The following GMDS variants were observed in gnomAD, a reference collection of about 807,000 sequenced individuals.
The protein encoded by GMDS is GDP-mannose 4,6-dehydratase.
GMDS carries 20 observed loss-of-function variants against 49.9 expected under a neutral mutation model. The ratio of observed to expected loss-of-function variants is 0.40; its 90% confidence interval spans 0.28 to 0.58. GMDS has a LOEUF of 0.58. Ranked by LOEUF, GMDS falls within the 20% of genes least tolerant of loss-of-function variation. The pLI, the probability that GMDS is intolerant of heterozygous loss-of-function variation, is 0.42. For synonymous variants in GMDS, 177 were observed against 178.6 expected (o/e 0.99, Z 0.07); for missense variants, 362 against 481.4 (o/e 0.75, Z 2.32).
intron 9 of GMDS, among the ~76,000 whole-genome samples, chr6:1,724,348 C>T (rs991128345): frequency 2.0e-4 from 30 of 152,130 alleles, no homozygotes; most frequent in African/African-American, 5.6e-4. Context: ...AGGGATGCGG[C>T]GTCGGTCACG....
At position 1,690,642 on chromosome 6, in the gene GMDS, G is replaced by A. The variant is rs554114862; in HGVS notation, c.987+35774C>T. 3.9e-5 allele frequency among the ~76,000 whole-genome samples: 6 copies of A among 152,082 alleles called. No individual in the cohort carries two copies. The South Asian group carries it at 8.3e-4, about 21-fold the overall frequency. ...AAGGTCTAATATGCAGAGTCTACACGGAACCTAAACAAATTTACAAGAAAA... is the reference window on the plus strand; with the variant it reads ...AAGGTCTAATATGCAGAGTCTACACAGAACCTAAACAAATTTACAAGAAAA... On this transcript the variant is annotated intron_variant, in intron 9 of 10. Transcript: ENST00000380815.
intron 4 of GMDS, among the ~76,000 whole-genome samples, chr6:2,067,878 C>T (rs1581602742): frequency 6.6e-6 from 1 of 151,520 alleles, no homozygotes; most frequent in African/African-American, 2.4e-5. Flanking sequence ...CTATTTCAAT[C>T]AATAGAAAAA....
intron 9 of GMDS, among the ~76,000 whole-genome samples, chr6:1,724,492 A>G (rs1766502583): frequency 6.6e-6 from 1 of 152,170 alleles, no homozygotes; most frequent in Non-Finnish European, 1.5e-5. Flanking sequence ...CAGACAAGCC[A>G]TTCTTAATGA....
chr6:2,078,286 C>T (rs977182414), intron 4 of GMDS, among the ~76,000 whole-genome samples: 1 of 152,028 alleles, frequency 6.6e-6, no homozygotes, highest in African/African-American at 2.4e-5. Flanking sequence ...CTGCCCTGAT[C>T]TACATTATTT....
intron 4 of GMDS, among the ~76,000 whole-genome samples, chr6:1,980,608 C>G (rs996565243): frequency 6.6e-6 from 1 of 152,152 alleles, no homozygotes; most frequent in Non-Finnish European, 1.5e-5. Flanking sequence ...TAGTGGGAGA[C>G]TTTAACACTC....
At chr6:2,089,134 T>C (rs2127474678) in intron 4 of GMDS, among the ~76,000 whole-genome samples, 1 of 152,288 alleles carries the variant, frequency 6.6e-6, no homozygotes, top group South Asian at 2.1e-4. Flanking sequence ...ATGAATGTCA[T>C]GAATAAATGG....
At chr6:1,703,452 T>TA (rs1427277663) in intron 9 of GMDS, among the ~76,000 whole-genome samples, 1 of 151,844 alleles carries the variant, frequency 6.6e-6, no homozygotes, top group Non-Finnish European at 1.5e-5. Flanking sequence ...CTCAGCTAGT[T>TA]AGAGACTTGC....
intron 7 of GMDS, among the ~76,000 whole-genome samples, chr6:1,807,504 T>A (rs1004074105): frequency 2.0e-5 from 3 of 152,222 alleles, no homozygotes. Flanking sequence ...GTGAACCCCA[T>A]GAGGGCAGAA....
At chr6:1,993,918 C>T (rs564493725) in intron 4 of GMDS, among the ~76,000 whole-genome samples, 160 of 152,282 alleles carry the variant, frequency 1.1e-3, no homozygotes, top group Non-Finnish European at 1.9e-3. Flanking sequence ...GAGAGGTCTC[C>T]CACTCCATGG....
chr6:1,817,290 G>T (rs1770712539), intron 7 of GMDS, among the ~76,000 whole-genome samples: 1 of 151,982 alleles, frequency 6.6e-6, no homozygotes, highest in Non-Finnish European at 1.5e-5. Flanking sequence ...CTTCCTTAAT[G>T]ATTTGTTTTC....
intron 8 of GMDS, among the ~76,000 whole-genome samples, chr6:1,728,285 T>C (rs1010960806): frequency 6.6e-6 from 1 of 152,248 alleles, no homozygotes; most frequent in Non-Finnish European, 1.5e-5. Context: ...TAGAACCTTT[T>C]AAAAAAATTT....
chr6:1,673,257 C>T (rs1764483679), intron 9 of GMDS, among the ~76,000 whole-genome samples: 1 of 152,142 alleles, frequency 6.6e-6, no homozygotes, highest in South Asian at 2.1e-4. Flanking sequence ...ATTGCAGGGC[C>T]AAGTGATCAG....
At chr6:1,895,835 C>A (rs954045981) in intron 7 of GMDS, among the ~76,000 whole-genome samples, 3 of 152,138 alleles carry the variant, frequency 2.0e-5, no homozygotes, top group African/African-American at 7.2e-5. Flanking sequence ...AGAGACAGAT[C>A]CAGAGCTGAC....
At chr6:2,196,216 A>G (rs529139018) in intron 1 of GMDS, among the ~76,000 whole-genome samples, 68 of 152,374 alleles carry the variant, frequency 4.5e-4, no homozygotes, top group African/African-American at 1.6e-3. Flanking sequence ...CTGCAAAACT[A>G]TAATTATCAA....
At position 1,623,937 on chromosome 6, in the gene GMDS, T is replaced by C; in HGVS notation, c.*232A>G. On this transcript the variant is annotated 3_prime_UTR_variant, in exon 11 of 11. Transcript: ENST00000380815. ...AAAACATCTTGATTTCACAAAGCCA[T>C]TCAGAGGAGGCTTCGACAAACGCAA... 1 of 509,996 alleles carries C rather than the reference T, an allele frequency of 2.0e-6. No individual in the cohort carries two copies. The allele number at this position is 509,996 out of a possible 1,614,324, so 31.6% of individuals were successfully genotyped here. A position where few individuals can be genotyped will look rare whatever the true frequency, so the allele number is the denominator to read the frequency against.
At chr6:1,761,327 T>G (rs1373941620) in intron 7 of GMDS, among the ~76,000 whole-genome samples, 1 of 152,176 alleles carries the variant, frequency 6.6e-6, no homozygotes, top group Non-Finnish European at 1.5e-5. Context: ...ACTTATCGAG[T>G]ATTTGAAAAC....
At chr6:1,798,360 A>G (rs973335451) in intron 7 of GMDS, among the ~76,000 whole-genome samples, 12 of 152,198 alleles carry the variant, frequency 7.9e-5, no homozygotes, top group Admixed American at 3.9e-4. Context: ...TGATTTTCAT[A>G]TAAGTCACTG....
intron 4 of GMDS, among the ~76,000 whole-genome samples, chr6:1,989,575 G>A (rs920440870): frequency 2.0e-5 from 3 of 152,206 alleles, no homozygotes; most frequent in Non-Finnish European, 4.4e-5. Flanking sequence ...AAAAGACTTT[G>A]TTTAATCTTT....
At chr6:1,779,415 G>A (rs554175533) in intron 7 of GMDS, among the ~76,000 whole-genome samples, 1 of 152,264 alleles carries the variant, frequency 6.6e-6, no homozygotes, top group South Asian at 2.1e-4. Flanking sequence ...GACTCTACCT[G>A]GGCCCTCTGC....
Sources: allele counts gnomAD v4.1 joint callset (sites outside exome capture counted in the v4.1 genomes callset), GRCh38; gene constraint gnomAD v4.1.1; transcripts MANE v1.5; gene names NCBI Gene and HGNC (gene_info 2026-07-23, HGNC 2026-07-21).